The following BCL2L1 variants were observed in gnomAD, a reference collection of about 807,000 sequenced individuals.
The protein encoded by BCL2L1 is BCL2 like 1.
Under a neutral mutation model 18.7 loss-of-function variants are expected in BCL2L1, and 1 was observed. That is an observed-to-expected ratio of 0.05 (90% CI 0.02 to 0.25). The LOEUF is 0.25. Among genes scored for constraint, BCL2L1 ranks in the 10% least tolerant of loss-of-function variants. BCL2L1 has a pLI of 1.00. For missense variants in BCL2L1, 207 were observed against 304.9 expected, an observed-to-expected ratio of 0.68 and a Z score of 2.39; for synonymous variants, 103 against 122.7, an observed-to-expected ratio of 0.84 and a Z score of 1.06.
chr20:31,677,505 G>T (rs2060783482), intron 2 of BCL2L1, among the ~76,000 whole-genome samples: 2 of 152,148 alleles, frequency 1.3e-5, no homozygotes, highest in African/African-American at 4.8e-5. Flanking sequence ...TATTTCAAAA[G>T]AATACCATGA....
chr20:31,716,427 C>G (rs1479690408), intron 2 of BCL2L1, among the ~76,000 whole-genome samples: 2 of 152,114 alleles, frequency 1.3e-5, no homozygotes. Context: ...AATGTGAGCT[C>G]CATGAGGACA....
intron 2 of BCL2L1, among the ~76,000 whole-genome samples, chr20:31,666,788 G>A (rs899486395): frequency 2.6e-5 from 4 of 152,044 alleles, no homozygotes; most frequent in Admixed American, 6.5e-5. Context: ...GCCTTGTCCC[G>A]GACATCCTCC....
At chr20:31,673,536 T>TCTCAGCAA (rs2060708886) in intron 2 of BCL2L1, among the ~76,000 whole-genome samples, 2 of 151,160 alleles carry the variant, frequency 1.3e-5, no homozygotes, top group South Asian at 4.2e-4. Flanking sequence ...GCATCTATGG[T>TCTCAGCAA]CTCAGCAACT....
Position 31,697,906 on chromosome 20 carries a change from G to T in BCL2L1, c.564+23749C>A, listed in dbSNP as rs868164352. 3.6e-3 allele frequency among the ~76,000 whole-genome samples: 349 copies of T among 97,332 alleles called. 6 individuals are homozygous for T. The highest frequency in any genetic ancestry group is 0.031 in the African/African-American group (293 of 9,562). The allele number at this position is 97,332 out of a possible 152,430, so 63.9% of individuals were successfully genotyped here. A position where few individuals can be genotyped will look rare whatever the true frequency, so the allele number is the denominator to read the frequency against. ...GTGCTGTTGCTGTTTTTTTTTTTTT[G>T]AGACGGAGTCTCGCTTTGTTGCCCA... On this transcript the variant is annotated intron_variant, in intron 2 of 2. Transcript: ENST00000307677.
At chr20:31,676,967 T>C (rs1375250959) in intron 2 of BCL2L1, among the ~76,000 whole-genome samples, 1 of 152,180 alleles carries the variant, frequency 6.6e-6, no homozygotes, top group Non-Finnish European at 1.5e-5. Flanking sequence ...CTGCTCTCTC[T>C]CCGCTGCTGC....
intron 2 of BCL2L1, among the ~76,000 whole-genome samples, chr20:31,717,981 G>T (rs903669157): frequency 6.6e-6 from 1 of 152,200 alleles, no homozygotes; most frequent in African/African-American, 2.4e-5. Context: ...GTATCACAGG[G>T]ACTTTGTTTC....
chr20:31,722,204 G>A lies in BCL2L1; in HGVS notation c.15C>T (p.Asn5=). The change falls in exon 2 of 3, where the codon AAC becomes AAT. Residue 5 remains asparagine, a synonymous_variant. Transcript: ENST00000307677. ...AGAGAAAGTCAACCACCAGCTCCCG[G>A]TTGCTCTGAGACATTTTTATAATAG... MSQS[N]RELVVDFLSY... is the part of the protein sequence containing the mutation. 1.3e-6 allele frequency: 2 copies of A among 1,496,508 alleles called. No homozygotes were observed. Among genetic ancestry groups the A allele is most frequent in the African/African-American group, 1.4e-5 (1 of 71,648 alleles). 92.7% of individuals were successfully genotyped at this position (1,496,508 alleles called of 1,614,324 possible).
intron 2 of BCL2L1, among the ~76,000 whole-genome samples, chr20:31,700,408 C>T (rs981908671): frequency 2.6e-5 from 4 of 152,204 alleles, no homozygotes; most frequent in African/African-American, 9.7e-5. Context: ...TGGGCACGAC[C>T]TATCTATTGG....
intron 2 of BCL2L1, among the ~76,000 whole-genome samples, chr20:31,674,819 G>A (rs920917748): frequency 9.4e-5 from 14 of 148,284 alleles, no homozygotes; most frequent in African/African-American, 3.5e-4. Context: ...AAACTGCAGT[G>A]AGCTGTGACA....
intron 2 of BCL2L1, among the ~76,000 whole-genome samples, chr20:31,697,267 C>A (rs1451154905): frequency 6.6e-6 from 1 of 152,072 alleles, no homozygotes; most frequent in East Asian, 1.9e-4. Context: ...GAGGGACAGG[C>A]CATTAGATAA....
intron 2 of BCL2L1, among the ~76,000 whole-genome samples, chr20:31,713,061 T>A: frequency 6.6e-6 from 1 of 151,558 alleles, no homozygotes; most frequent in Admixed American, 6.6e-5. Context: ...TATGCAGGGG[T>A]GGGGTGGAAT....
chr20:31,690,092 T>C (rs1490767100), intron 2 of BCL2L1, among the ~76,000 whole-genome samples: 1 of 152,150 alleles, frequency 6.6e-6, no homozygotes, highest in Non-Finnish European at 1.5e-5. Context: ...TTTTAACTTT[T>C]TTTTTCCCCC....
chr20:31,692,172 C>T (rs1450079475), intron 2 of BCL2L1, among the ~76,000 whole-genome samples: 1 of 152,238 alleles, frequency 6.6e-6, no homozygotes, highest in African/African-American at 2.4e-5. Context: ...TGAGGTTTAA[C>T]AAACCTTCCA....
intron 2 of BCL2L1, among the ~76,000 whole-genome samples, chr20:31,700,951 C>T (rs1193245528): frequency 2.6e-5 from 4 of 152,166 alleles, no homozygotes; most frequent in Middle Eastern, 3.2e-3. Flanking sequence ...AAGAGGAGAT[C>T]GTGTTGCCTC....
intron 2 of BCL2L1, among the ~76,000 whole-genome samples, chr20:31,672,966 C>T (rs1217954781): frequency 6.6e-6 from 1 of 151,762 alleles, no homozygotes; most frequent in East Asian, 1.9e-4. Context: ...TTCCAAAGTA[C>T]TGGGATTATA....
In BCL2L1 at chr20:31,720,265, C is replaced by T. The variant is rs964790510; in HGVS notation, c.564+1390G>A. 63 of 648,052 alleles carry T rather than the reference C, an allele frequency of 9.7e-5. No individual in the cohort carries two copies. In the African/African-American group the frequency reaches 1.2e-3, roughly 12 times the overall value. 40.1% of individuals were successfully genotyped at this position (648,052 alleles called of 1,614,324 possible). ...CAGGGCAAACTCAGGAGGTCTCTTG[C>T]TCAGTGGTAAAGTGAAGTGCCTGCC... On this transcript the variant is annotated intron_variant, in intron 2 of 2. Coordinates refer to ENST00000307677, the MANE Select transcript of BCL2L1 (RefSeq NM_138578.3).
intron 2 of BCL2L1, among the ~76,000 whole-genome samples, chr20:31,696,094 T>C (rs2061164626): frequency 6.6e-6 from 1 of 152,182 alleles, no homozygotes; most frequent in Non-Finnish European, 1.5e-5. Flanking sequence ...CATGTTAATT[T>C]ACTTAAAATC....
intron 2 of BCL2L1, among the ~76,000 whole-genome samples, chr20:31,666,418 G>C (rs2060589070): frequency 6.6e-6 from 1 of 152,148 alleles, no homozygotes; most frequent in Non-Finnish European, 1.5e-5. Flanking sequence ...CTGGAGCAGA[G>C]TGCAGGAGAG....
chr20:31,721,535 T>C, intron 2 of BCL2L1, 120 bp downstream of exon 2: 1 of 1,257,062 alleles, frequency 8.0e-7, no homozygotes, highest in Non-Finnish European at 1.1e-6. Context: ...TCAGGTTTCC[T>C]CAACTATCAA....
Sources: gnomAD v4.1 joint callset for allele counts (sites outside exome capture counted in the v4.1 genomes callset) on GRCh38, gnomAD v4.1.1 for gene constraint, MANE v1.5 for transcripts, NCBI Gene and HGNC (gene_info 2026-07-23, HGNC 2026-07-21) for gene names.